GRID2: variants seen among roughly 807,000 people sequenced by gnomAD.
The protein encoded by GRID2 is glutamate receptor ionotropic, delta-2.
Under a neutral mutation model 114.8 loss-of-function variants are expected in GRID2, and 33 were observed. The ratio of observed to expected loss-of-function variants is 0.29; its 90% CI spans 0.22 to 0.38. GRID2 has a LOEUF of 0.38. GRID2 is among the 10% of genes least tolerant of loss of function. GRID2 has a pLI of 1.00. For missense variants in GRID2, 1,184 were observed against 1,257.7 expected (o/e 0.94, Z 0.89); for synonymous variants, 505 against 449.9 (o/e 1.12, Z -1.55).
chr4:92,583,370 G>T (rs564030346), intron 1 of GRID2, among the ~76,000 whole-genome samples: 1 of 151,970 alleles, frequency 6.6e-6, no homozygotes, highest in African/African-American at 2.4e-5. Flanking sequence ...TGAATTTGAT[G>T]TATATCCAGC....
chr4:93,637,724 T>C (rs1356719337), intron 14 of GRID2, among the ~76,000 whole-genome samples: 3 of 152,168 alleles, frequency 2.0e-5, no homozygotes, highest in Admixed American at 6.6e-5. Flanking sequence ...GGGACGATAC[T>C]GAAATATTTT....
chr4:92,346,188 C>T (rs935194587), intron 1 of GRID2, among the ~76,000 whole-genome samples: 1 of 152,090 alleles, frequency 6.6e-6, no homozygotes, highest in Non-Finnish European at 1.5e-5. Flanking sequence ...TGATTTAAAT[C>T]CTTCTGAGAT....
chr4:93,050,402 A>G (rs928203788), intron 2 of GRID2, among the ~76,000 whole-genome samples: 3 of 151,956 alleles, frequency 2.0e-5, no homozygotes, highest in African/African-American at 4.8e-5. Flanking sequence ...CATGAATGCA[A>G]ATAAAATTCA....
intron 2 of GRID2, among the ~76,000 whole-genome samples, chr4:92,936,612 T>G (rs1371086916): frequency 8.2e-5 from 12 of 146,012 alleles, no homozygotes; most frequent in African/African-American, 2.9e-4. Flanking sequence ...AACTTCAACA[T>G]CAAATTTGTA....
intron 2 of GRID2, among the ~76,000 whole-genome samples, chr4:92,918,055 G>A (rs1387228987): frequency 6.6e-6 from 1 of 152,094 alleles, no homozygotes; most frequent in African/African-American, 2.4e-5. Flanking sequence ...TCTCCTTGAA[G>A]AGGTCCTTCA....
intron 2 of GRID2, among the ~76,000 whole-genome samples, chr4:92,869,492 A>G (rs1745120939): frequency 6.6e-6 from 1 of 152,204 alleles, no homozygotes; most frequent in Non-Finnish European, 1.5e-5. Flanking sequence ...CTTCTATTTG[A>G]AACAGGCAGA....
Position 92,840,174 on chromosome 4 carries a change from T to A in GRID2, c.245-244821T>A, listed in dbSNP as rs559690383. Among the ~76,000 whole-genome samples, 30 of 152,176 alleles carry A rather than the reference T, an allele frequency of 2.0e-4. No individual in the cohort carries two copies. In the East Asian group the frequency reaches 5.2e-3, roughly 26 times the overall value. ...ATTTCCATTGCTATGAAATATATATTTTTTCATACTTTTATTTCCAGTCTA... is the reference window on the plus strand; with the variant it reads ...ATTTCCATTGCTATGAAATATATATATTTTCATACTTTTATTTCCAGTCTA... On this transcript the variant is annotated intron_variant, in intron 2 of 15. Coordinates refer to ENST00000282020, the MANE Select transcript of GRID2 (RefSeq NM_001510.4).
At chr4:92,942,799 T>C (rs2149539053) in intron 2 of GRID2, among the ~76,000 whole-genome samples, 1 of 152,314 alleles carries the variant, frequency 6.6e-6, no homozygotes, top group Middle Eastern at 3.4e-3. Flanking sequence ...TGCTTGTCTG[T>C]AAAGGATTTT....
At position 92,903,743 on chromosome 4, in the gene GRID2, C is replaced by A. The variant is rs75993189; in HGVS notation, c.245-181252C>A. 4.6e-5 allele frequency among the ~76,000 whole-genome samples: 7 copies of A among 151,982 alleles called. No homozygotes were observed. The South Asian group carries it at 6.2e-4, about 14-fold the overall frequency. On this transcript the variant is annotated intron_variant, in intron 2 of 15. Transcript: ENST00000282020. ...GGCGAGTTGATAAGTCTACTAATTT[C>A]TCTAAAAATGTCATCGAATTATTAC...
intron 1 of GRID2, among the ~76,000 whole-genome samples, chr4:92,402,888 C>A (rs1214942704): frequency 6.6e-6 from 1 of 152,142 alleles, no homozygotes; most frequent in Non-Finnish European, 1.5e-5. Flanking sequence ...GCATCTTCTT[C>A]CAATAGGAAG....
chr4:93,276,372 C>T (rs1458744648), intron 8 of GRID2, among the ~76,000 whole-genome samples: 1 of 151,960 alleles, frequency 6.6e-6, no homozygotes, highest in Non-Finnish European at 1.5e-5. Flanking sequence ...ATTTTGAAAT[C>T]ATAATGTGTG....
intron 2 of GRID2, among the ~76,000 whole-genome samples, chr4:93,043,342 C>T (rs1183408897): frequency 6.6e-6 from 1 of 152,092 alleles, no homozygotes; most frequent in East Asian, 1.9e-4. Flanking sequence ...AGAGATAATC[C>T]TTGCCCTCAA....
chr4:93,124,567 A>G (rs1000944123), intron 4 of GRID2, among the ~76,000 whole-genome samples: 1 of 152,166 alleles, frequency 6.6e-6, no homozygotes, highest in Non-Finnish European at 1.5e-5. Context: ...GTCCGAACCT[A>G]TTTGCCAATC....
chr4:92,401,557 TTC>T (rs1165894004), intron 1 of GRID2, among the ~76,000 whole-genome samples: 18 of 152,206 alleles, frequency 1.2e-4, no homozygotes, highest in African/African-American at 4.1e-4. Flanking sequence ...ACACAAATTT[TTC>T]TGTTTCCCAC....
intron 1 of GRID2, among the ~76,000 whole-genome samples, chr4:92,449,740 A>G (rs1255830207): frequency 1.5e-5 from 2 of 137,280 alleles, no homozygotes; most frequent in African/African-American, 5.5e-5. Flanking sequence ...TTTATATTTC[A>G]GAACAGTCAG....
In GRID2 at chr4:93,208,685, T is replaced by C. The variant is rs535786217; in HGVS notation, c.789+1228T>C. Among the ~76,000 whole-genome samples, 4 of 152,082 alleles carry C rather than the reference T, an allele frequency of 2.6e-5. No homozygotes were observed. In the South Asian group the frequency reaches 8.3e-4, roughly 31 times the overall value. On this transcript the variant is annotated intron_variant, in intron 5 of 15. Transcript: ENST00000282020. The stretch of plus-strand genomic sequence containing the variant: ...TGGAATGATCCTTTTTATTTCAGAG[T>C]AAAGACGCTGAAAACACCTTACAAG...
chr4:92,605,388 G>C (rs1392124406), intron 2 of GRID2, among the ~76,000 whole-genome samples: 1 of 151,892 alleles, frequency 6.6e-6, no homozygotes, highest in Non-Finnish European at 1.5e-5. Flanking sequence ...ATACAGATGA[G>C]TTAGACTAAT....
chr4:93,660,160 G>A (rs974811916), intron 14 of GRID2, among the ~76,000 whole-genome samples: 2 of 152,002 alleles, frequency 1.3e-5, no homozygotes, highest in Admixed American at 6.6e-5. Flanking sequence ...GAAAAGTGGC[G>A]GGTATCCTGT....
At chr4:93,457,391 A>C (rs562959839) in intron 11 of GRID2, among the ~76,000 whole-genome samples, 1 of 152,202 alleles carries the variant, frequency 6.6e-6, no homozygotes, top group East Asian at 1.9e-4. Context: ...AGATAGTCCA[A>C]GCAGAGAGGA....
Sources: allele counts gnomAD v4.1 joint callset (sites outside exome capture counted in the v4.1 genomes callset), GRCh38; gene constraint gnomAD v4.1.1; transcripts MANE v1.5; gene names NCBI Gene and HGNC (gene_info 2026-07-23, HGNC 2026-07-21).